ADK: variants seen among roughly 807,000 people sequenced by gnomAD.
ADK encodes adenosine kinase, also known as N6,N6-dimethyladenosine kinase.
A neutral mutation model predicts 44.7 loss-of-function variants in ADK; 24 were observed. The observed-to-expected ratio is 0.54, with a 90% CI of 0.39 to 0.76. The LOEUF is 0.76. ADK is among the 30% of genes least tolerant of loss of function. The probability of loss-of-function intolerance (pLI) is 0.00; values close to 1 mark genes in which losing one functional copy is unlikely to be tolerated. For missense variants in ADK, 321 were observed against 425.1 expected (o/e 0.76, Z 2.15); for synonymous variants, 128 against 142.6 (o/e 0.90, Z 0.73).
intron 7 of ADK, among the ~76,000 whole-genome samples, chr10:74,573,221 A>G (rs993857818): frequency 5.9e-5 from 9 of 152,124 alleles, no homozygotes; most frequent in Non-Finnish European, 1.3e-4. Flanking sequence ...TCCTTCTAAC[A>G]GACAGGACCC....
At chr10:74,349,927 C>T (rs986497017) in intron 4 of ADK, among the ~76,000 whole-genome samples, 3 of 152,096 alleles carry the variant, frequency 2.0e-5, no homozygotes, top group Non-Finnish European at 2.9e-5. Flanking sequence ...TTCTCAGAGA[C>T]CTACAAAGAT....
chr10:74,411,790 A>G (rs1844186652), intron 6 of ADK, among the ~76,000 whole-genome samples: 1 of 152,204 alleles, frequency 6.6e-6, no homozygotes. Context: ...GCATTTACCT[A>G]CAGTAGAACT....
At chr10:74,170,799 CAAA>C (rs938297412) in intron 1 of ADK, among the ~76,000 whole-genome samples, 2 of 52,866 alleles carry the variant, frequency 3.8e-5, no homozygotes, top group Non-Finnish European at 4.0e-5. Flanking sequence ...GACTCCATCT[CAAA>C]AAAAAAAAAA....
At chr10:74,229,391 CTTTTTTTTTT>C (rs371346131) in intron 3 of ADK, among the ~76,000 whole-genome samples, 2 of 97,240 alleles carry the variant, frequency 2.1e-5, no homozygotes, top group Non-Finnish European at 4.0e-5. Flanking sequence ...ATCTGGTATG[CTTTTTTTTTT>C]TTTTTTTTTT....
chr10:74,511,061 T>C (rs1038896965), intron 6 of ADK, among the ~76,000 whole-genome samples: 2 of 152,158 alleles, frequency 1.3e-5, no homozygotes, highest in African/African-American at 2.4e-5. Flanking sequence ...AGAAGTGTAG[T>C]TTCATTCTTC....
chr10:74,704,324 A>C (rs1334357104), intron 10 of ADK, among the ~76,000 whole-genome samples: 1 of 152,222 alleles, frequency 6.6e-6, no homozygotes, highest in African/African-American at 2.4e-5. Context: ...AATTTGTTAA[A>C]ATAGTAAATT....
chr10:74,196,069 G>A (rs1030975453), intron 1 of ADK, among the ~76,000 whole-genome samples: 3 of 151,888 alleles, frequency 2.0e-5, no homozygotes, highest in Non-Finnish European at 4.4e-5. Flanking sequence ...CTCCCAAAGT[G>A]CTGGGATTAC....
intron 6 of ADK, among the ~76,000 whole-genome samples, chr10:74,490,275 C>G (rs184534634): frequency 6.6e-6 from 1 of 152,034 alleles, no homozygotes; most frequent in East Asian, 1.9e-4. Flanking sequence ...TTATCAATGT[C>G]TTTTTGTAAA....
At chr10:74,205,198 T>G (rs1348633838) in intron 2 of ADK, among the ~76,000 whole-genome samples, 1 of 152,160 alleles carries the variant, frequency 6.6e-6, no homozygotes, top group East Asian at 1.9e-4. Flanking sequence ...TATCTTTCTA[T>G]TCTATTAACT....
intron 2 of ADK, among the ~76,000 whole-genome samples, chr10:74,215,665 CTT>C (rs35998695): frequency 1.3e-4 from 17 of 129,234 alleles, no homozygotes; most frequent in African/African-American, 2.6e-4. Context: ...ATAAATCACT[CTT>C]TTTTTTTTTT....
intron 9 of ADK, among the ~76,000 whole-genome samples, chr10:74,612,913 C>T (rs1187574531): frequency 2.6e-5 from 4 of 151,874 alleles, no homozygotes; most frequent in Non-Finnish European, 5.9e-5. Flanking sequence ...TTTTTGTTGA[C>T]TTTGTTTAAG....
At chr10:74,381,654 G>A (rs568431017) in intron 4 of ADK, among the ~76,000 whole-genome samples, 2 of 152,306 alleles carry the variant, frequency 1.3e-5, no homozygotes, top group African/African-American at 4.8e-5. Flanking sequence ...GTGCCCTAAT[G>A]CTAACTGTGC....
intron 4 of ADK, among the ~76,000 whole-genome samples, chr10:74,370,335 G>A (rs1388232595): frequency 6.6e-6 from 1 of 152,114 alleles, no homozygotes; most frequent in Non-Finnish European, 1.5e-5. Flanking sequence ...CAGTGAATGA[G>A]TTGTCTGAAC....
At chr10:74,238,985 T>A (rs751762255) in intron 3 of ADK, among the ~76,000 whole-genome samples, 4 of 150,840 alleles carry the variant, frequency 2.7e-5, no homozygotes, top group Non-Finnish European at 5.9e-5. Context: ...CTCAGCCTCC[T>A]GAGTAGCTGG....
intron 6 of ADK, among the ~76,000 whole-genome samples, chr10:74,495,767 A>G (rs1301366865): frequency 1.3e-5 from 2 of 152,146 alleles, no homozygotes; most frequent in South Asian, 2.1e-4. Flanking sequence ...GTCAGGCTAT[A>G]TGAGGTGGGA....
At chr10:74,472,702 C>T (rs1846643877) in intron 6 of ADK, among the ~76,000 whole-genome samples, 1 of 152,168 alleles carries the variant, frequency 6.6e-6, no homozygotes, top group African/African-American at 2.4e-5. Context: ...ATTGTAGCCA[C>T]TTATCAAGTG....
At chr10:74,330,223 T>C (rs1841171054) in intron 4 of ADK, among the ~76,000 whole-genome samples, 1 of 152,094 alleles carries the variant, frequency 6.6e-6, no homozygotes, top group Non-Finnish European at 1.5e-5. Context: ...TTTTGCTTTA[T>C]GTTACAGTTG....
At chr10:74,205,222 T>C (rs987186943) in intron 2 of ADK, among the ~76,000 whole-genome samples, 2 of 152,108 alleles carry the variant, frequency 1.3e-5, no homozygotes, top group African/African-American at 4.8e-5. Context: ...TTTTTAAGGT[T>C]GATGTTTTCA....
chr10:74,465,585 A>G (rs889049979), intron 6 of ADK, among the ~76,000 whole-genome samples: 28 of 152,324 alleles, frequency 1.8e-4, no homozygotes, highest in Admixed American at 1.8e-3. Context: ...GGTCATTGCA[A>G]TAATCCAGTG....
Sources: gnomAD v4.1 joint callset for allele counts (sites outside exome capture counted in the v4.1 genomes callset) on GRCh38, gnomAD v4.1.1 for gene constraint, MANE v1.5 for transcripts, NCBI Gene and HGNC (gene_info 2026-07-23, HGNC 2026-07-21) for gene names.